The following PAPPA2 variants were observed in gnomAD, a reference collection of about 807,000 sequenced individuals.
The protein encoded by PAPPA2 is pappalysin 2.
A neutral mutation model predicts 176.4 loss-of-function variants in PAPPA2; 86 were observed. That is an observed-to-expected ratio of 0.49 (90% confidence interval 0.41 to 0.58). PAPPA2 has a LOEUF of 0.58. PAPPA2 is among the 20% of genes least tolerant of loss of function. The pLI is 0.00. For missense variants in PAPPA2, 2,073 were observed against 2,256.9 expected, an observed-to-expected ratio of 0.92 and a Z score of 1.65; for synonymous variants, 809 against 852.2, an observed-to-expected ratio of 0.95 and a Z score of 0.88.
In PAPPA2 at chr1:176,556,356, G is replaced by T. The variant is rs749472884; in HGVS notation, c.34G>T (p.Ala12Ser). Residue 12 changes from alanine (A) to serine (S), a missense_variant, in exon 2 of 23, where the codon GCG (alanine) becomes TCG (serine). By Grantham distance (99) the Ala-to-Ser change is moderately conservative. Coordinates refer to ENST00000367662, the MANE Select transcript of PAPPA2 (RefSeq NM_020318.3). Reference sequence around the variant, plus strand: ...CTTAAAGATCCTAAGAATAAGCCTGGCGATTTTGGCTGGGTGGGCACTCTG... The same window carrying T: ...CTTAAAGATCCTAAGAATAAGCCTGTCGATTTTGGCTGGGTGGGCACTCTG... ...MCLKILRISL[A>S]ILAGWALCSA... 2 of 1,614,102 alleles carry T rather than the reference G, an allele frequency of 1.2e-6. No homozygotes were observed. The highest frequency in any genetic ancestry group is 1.6e-4 in the Middle Eastern group (1 of 6,062).
At chr1:176,507,209 G>C in intron 1 of PAPPA2, among the ~76,000 whole-genome samples, 1 of 151,994 alleles carries the variant, frequency 6.6e-6, no homozygotes, top group East Asian at 1.9e-4. Flanking sequence ...CTAATCATTA[G>C]AGAAATACAA....
At chr1:176,596,791 T>C (rs1033016467) in intron 3 of PAPPA2, among the ~76,000 whole-genome samples, 2 of 152,214 alleles carry the variant, frequency 1.3e-5, no homozygotes, top group African/African-American at 4.8e-5. Flanking sequence ...AAGAAGATTC[T>C]CATTTGACGG....
Position 176,692,113 on chromosome 1 carries a change from T to C in PAPPA2, c.2432-13T>C. 1 of 1,598,436 alleles carries C rather than the reference T, an allele frequency of 6.3e-7. No individual in the cohort carries two copies. Among genetic ancestry groups the C allele is most frequent in the Non-Finnish European group, 8.6e-7 (1 of 1,168,420 alleles). ...AATCTCCATCTCTTGTGCCACCTTT[T>C]TTGTCTCCACAGATGATAACTGCAC... On this transcript the variant is annotated splice_polypyrimidine_tract_variant and intron_variant, in intron 5 of 22. Transcript: ENST00000367662.
rs953458201 is a variant in PAPPA2 at position 176,542,365 on chromosome 1, TA to T, written c.-916-13032del. 1.8e-3 allele frequency among the ~76,000 whole-genome samples: 271 copies of T among 149,194 alleles called. 2 individuals carry two copies. The highest frequency in any genetic ancestry group is 6.1e-3 in the African/African-American group (247 of 40,794). The stretch of plus-strand genomic sequence containing the variant: ...CTTGGGAGTGACAGAAAGTTTAAAA[TA>T]AAAAAAAAATGTAGGATTGAAGATT... On this transcript the variant is annotated intron_variant, in intron 1 of 22. Coordinates refer to ENST00000367662, the MANE Select transcript of PAPPA2 (RefSeq NM_020318.3).
intron 1 of PAPPA2, among the ~76,000 whole-genome samples, chr1:176,477,135 A>G (rs956664467): frequency 8.5e-5 from 13 of 152,264 alleles, no homozygotes; most frequent in African/African-American, 2.9e-4. Context: ...TGAAAAAGAC[A>G]GTTTTTTATT....
intron 3 of PAPPA2, among the ~76,000 whole-genome samples, chr1:176,654,451 T>A (rs2102747964): frequency 6.7e-6 from 1 of 148,788 alleles, no homozygotes; most frequent in South Asian, 2.1e-4. Flanking sequence ...ATATATATAA[T>A]ATAAGTATAT....
intron 15 of PAPPA2, 93 bp downstream of exon 15, chr1:176,765,930 G>A: frequency 6.8e-7 from 1 of 1,466,606 alleles, no homozygotes; most frequent in Non-Finnish European, 9.1e-7. Context: ...AAGAGCAGAT[G>A]TTTTTAAACC....
Position 176,531,058 on chromosome 1 carries a change from T to C in PAPPA2, c.-916-24349T>C, listed in dbSNP as rs995171254. Among the ~76,000 whole-genome samples, 11 of 152,222 alleles carry C rather than the reference T, an allele frequency of 7.2e-5. No individual in the cohort carries two copies. The East Asian group carries it at 1.9e-3, about 27-fold the overall frequency. ...AACCAAAGTTTTAGTTCTGTCTACA[T>C]GAGGCTACCAGGCCAAACTGGAACT... On this transcript the variant is annotated intron_variant, in intron 1 of 22. Coordinates refer to ENST00000367662, the MANE Select transcript of PAPPA2 (RefSeq NM_020318.3).
chr1:176,806,899 C>G (rs188429217), intron 21 of PAPPA2, among the ~76,000 whole-genome samples: 1 of 152,134 alleles, frequency 6.6e-6, no homozygotes, highest in Non-Finnish European at 1.5e-5. Flanking sequence ...AGATTTACAG[C>G]CTTCTTCTTG....
intron 3 of PAPPA2, among the ~76,000 whole-genome samples, chr1:176,630,101 G>A (rs1294686868): frequency 3.9e-5 from 6 of 152,078 alleles, no homozygotes; most frequent in South Asian, 2.1e-4. Flanking sequence ...AATATATGCC[G>A]ACTAACTAAC....
At chr1:176,735,504 G>A (rs564589767) in intron 12 of PAPPA2, among the ~76,000 whole-genome samples, 4 of 152,204 alleles carry the variant, frequency 2.6e-5, no homozygotes, top group Admixed American at 1.3e-4. Flanking sequence ...GTGTGTCTGT[G>A]CCCAGCAGGC....
At chr1:176,595,855 C>G (rs754351570) in intron 3 of PAPPA2, among the ~76,000 whole-genome samples, 13 of 152,090 alleles carry the variant, frequency 8.5e-5, no homozygotes, top group Non-Finnish European at 1.2e-4. Flanking sequence ...TGAAGCGCAC[C>G]CAAAAGCATA....
chr1:176,595,871 CA>C lies in PAPPA2; in HGVS notation c.1991+277del, dbSNP rs549610318. Among the ~76,000 whole-genome samples, 198 of 152,266 alleles carry C rather than the reference CA, an allele frequency of 1.3e-3. 2 individuals are homozygous for C. The highest frequency in any genetic ancestry group is 0.013 in the Admixed American group (196 of 15,298). The stretch of plus-strand genomic sequence containing the variant: ...GAAGCGCACCCAAAAGCATATGCAC[CA>C]GGTACTTGGGACACAGGAAAGCTGA... On this transcript the variant is annotated intron_variant, in intron 3 of 22. Transcript: ENST00000367662.
rs1285924732 is a variant in PAPPA2 at position 176,681,042 on chromosome 1, G to C, written c.2138-9095G>C. Among the ~76,000 whole-genome samples the C allele has an allele frequency of 2.0e-5, 3 of 151,978 alleles. No individual in the cohort carries two copies. In the East Asian group the frequency reaches 5.8e-4, roughly 30 times the overall value. On this transcript the variant is annotated intron_variant, in intron 4 of 22. Coordinates refer to ENST00000367662, the MANE Select transcript of PAPPA2 (RefSeq NM_020318.3). Reference sequence around the variant, plus strand: ...GTTTGTTTTTGGATATGTTGAGCTAGGGGTCTCTAAAATCAACTAAGAAGG... The same window carrying C: ...GTTTGTTTTTGGATATGTTGAGCTACGGGTCTCTAAAATCAACTAAGAAGG...
chr1:176,705,641 C>T (rs1353135777), intron 9 of PAPPA2, among the ~76,000 whole-genome samples: 3 of 152,208 alleles, frequency 2.0e-5, no homozygotes, highest in Admixed American at 6.5e-5. Context: ...GTCCGTTTCA[C>T]TATAAACTAA....
Position 176,591,806 on chromosome 1 carries a change from C to T in PAPPA2, c.920-2718C>T, listed in dbSNP as rs567129128. Among the ~76,000 whole-genome samples the T allele has an allele frequency of 1.3e-4, 20 of 152,078 alleles. No homozygotes were observed. The South Asian group carries it at 2.5e-3, about 19-fold the overall frequency. On this transcript the variant is annotated intron_variant, in intron 2 of 22. Transcript: ENST00000367662. Reference sequence around the variant, plus strand: ...AGGCACCTTGGACAAATCTAAGATGCGTGATCTAGTATAATTTTTAAACAA... The same window carrying T: ...AGGCACCTTGGACAAATCTAAGATGTGTGATCTAGTATAATTTTTAAACAA...
At position 176,845,432 on chromosome 1, in the gene PAPPA2, T is replaced by G. The variant is rs1667628676; in HGVS notation, c.*2978T>G. 1 of 152,222 alleles carries G rather than the reference T, an allele frequency of 6.6e-6. No individual in the cohort carries two copies. The allele number at this position is 152,222 out of a possible 1,614,324, so 9.4% of individuals were successfully genotyped here. ...ATTACAAGGCATTGAACTTGGCACT[T>G]CCTGTATTCTTTGTGATCACTATTG... On this transcript the variant is annotated 3_prime_UTR_variant, in exon 23 of 23. Transcript: ENST00000367662.
chr1:176,785,139 A>G (rs1557869915), intron 17 of PAPPA2, among the ~76,000 whole-genome samples: 1 of 152,202 alleles, frequency 6.6e-6, no homozygotes, highest in Non-Finnish European at 1.5e-5. Flanking sequence ...GTCTTCTTCA[A>G]GGGCCCTATG....
Position 176,695,853 on chromosome 1 carries a change from G to A in PAPPA2, c.2740G>A (p.Ala914Thr). 1 of 1,613,948 alleles carries A rather than the reference G, an allele frequency of 6.2e-7. No homozygotes were observed. The highest frequency in any genetic ancestry group is 8.5e-7 in the Non-Finnish European group (1 of 1,179,988). ...CTCAGGTTATTGGACCCCAGAGGAG[G>A]CTGTGGGTAAAGTACCATGACATTT... ...DSSGYWTPEE[A>T]VGPPDVDQPC... The change falls in exon 7 of 23, where the codon GCT becomes ACT. Residue 914 changes from alanine to threonine, a missense_variant. Coordinates refer to ENST00000367662, the MANE Select transcript of PAPPA2 (RefSeq NM_020318.3).
Sources: allele counts gnomAD v4.1 joint callset (sites outside exome capture counted in the v4.1 genomes callset), GRCh38; gene constraint gnomAD v4.1.1; transcripts MANE v1.5; gene names NCBI Gene and HGNC (gene_info 2026-07-23, HGNC 2026-07-21).